SLC27A6: variants seen among roughly 807,000 people sequenced by gnomAD.
SLC27A6 encodes the protein long-chain fatty acid transport protein 6.
Under a neutral mutation model 63.9 loss-of-function variants are expected in SLC27A6, and 74 were observed. The ratio of observed to expected loss-of-function variants is 1.16; its 90% CI spans 0.96 to 1.40. The LOEUF (loss-of-function observed/expected upper bound fraction) is 1.40. SLC27A6 is among the 40% of genes most tolerant of loss of function. The pLI, the probability that SLC27A6 is intolerant of heterozygous loss-of-function variation, is 0.00. For synonymous variants in SLC27A6, 287 were observed against 260.8 expected (o/e 1.10, Z -0.97); for missense variants, 794 against 732.9 (o/e 1.08, Z -0.96).
chr5:129,031,827 TA>T (rs1752424969), intron 9 of SLC27A6, among the ~76,000 whole-genome samples: 1 of 151,986 alleles, frequency 6.6e-6, no homozygotes, highest in South Asian at 2.1e-4. Flanking sequence ...AGTGAGCTGC[TA>T]ATTTTTAAGA....
chr5:129,027,378 A>G (rs1752281320), intron 7 of SLC27A6, 47 bp downstream of exon 7: 3 of 1,426,008 alleles, frequency 2.1e-6, no homozygotes, highest in Non-Finnish European at 2.0e-6. Flanking sequence ...ATTGTGAACC[A>G]TGCTTCTATA....
At position 129,027,292 on chromosome 5, in the gene SLC27A6, A is replaced by G. The variant is rs1177920588; in HGVS notation, c.1415A>G (p.Asn472Ser). The G allele has an allele frequency of 1.9e-6, 3 of 1,612,928 alleles. No individual in the cohort carries two copies. Among genetic ancestry groups the G allele is most frequent in the Non-Finnish European group, 2.5e-6 (3 of 1,179,308 alleles). ...TGDLIVQDQD[N>S]FLYFWDRTGD... ...GACTTAATAGTCCAGGATCAGGACA[A>G]TTTCCTTTATTTTTGGGACCGTACT... The change falls in exon 7 of 10, where the codon AAT becomes AGT. Residue 472 changes from asparagine to serine, a missense_variant. Transcript: ENST00000262462.
Position 129,030,955 on chromosome 5 carries a change from T to C in SLC27A6, c.1683+1248T>C, listed in dbSNP as rs189974262. On this transcript the variant is annotated intron_variant, in intron 9 of 9. Transcript: ENST00000262462. ...TTGTCCTTTTACAACCATAGCGAGCTCCCTCTTGTCCCTCCTCATCCTCAC... is the reference window on the plus strand; with the variant it reads ...TTGTCCTTTTACAACCATAGCGAGCCCCCTCTTGTCCCTCCTCATCCTCAC... 1.6e-3 allele frequency among the ~76,000 whole-genome samples: 250 copies of C among 152,034 alleles called. 1 individual carries two copies. Among genetic ancestry groups the C allele is most frequent in the African/African-American group, 5.0e-3 (208 of 41,548 alleles).
chr5:129,012,069 CTATT>C (rs530613573), intron 4 of SLC27A6, among the ~76,000 whole-genome samples: 88 of 151,524 alleles, frequency 5.8e-4, no homozygotes, highest in South Asian at 2.7e-3. Flanking sequence ...ATATATCAAA[CTATT>C]TATACATATA....
intron 1 of SLC27A6, among the ~76,000 whole-genome samples, chr5:128,975,436 G>C (rs1015901671): frequency 2.6e-5 from 4 of 152,210 alleles, no homozygotes; most frequent in African/African-American, 9.7e-5. Context: ...CACGAACCTA[G>C]ATGACATAGT....
intron 4 of SLC27A6, among the ~76,000 whole-genome samples, chr5:128,999,686 A>G (rs564330708): frequency 1.3e-5 from 2 of 152,134 alleles, no homozygotes; most frequent in South Asian, 2.1e-4. Flanking sequence ...CCTTTCCTTC[A>G]GTACACCAGG....
At chr5:128,985,047 C>T in intron 1 of SLC27A6, 86 bp from the exon 2 acceptor site, 1 of 823,288 alleles carries the variant, frequency 1.2e-6, no homozygotes. Flanking sequence ...ACATTTTATC[C>T]CTGTTTCAAT....
At chr5:128,984,326 C>A (rs1750712251) in intron 1 of SLC27A6, among the ~76,000 whole-genome samples, 1 of 152,082 alleles carries the variant, frequency 6.6e-6, no homozygotes, top group African/African-American at 2.4e-5. Flanking sequence ...GGACCCAGTC[C>A]CACCTTCTGT....
At chr5:128,979,435 TG>T (rs1342962921) in intron 1 of SLC27A6, among the ~76,000 whole-genome samples, 4 of 152,188 alleles carry the variant, frequency 2.6e-5, no homozygotes, top group Non-Finnish European at 5.9e-5. Context: ...GAGATAACCC[TG>T]ATGGGGTCTG....
chr5:129,006,069 C>CTTTTTTTTT (rs1561624835), intron 4 of SLC27A6, among the ~76,000 whole-genome samples: 7 of 64,850 alleles, frequency 1.1e-4, no homozygotes, highest in Admixed American at 2.2e-4. Context: ...CCTGTGCACA[C>CTTTTTTTTT]TGTTTTTTTT....
intron 1 of SLC27A6, among the ~76,000 whole-genome samples, chr5:128,983,253 C>T (rs1750670891): frequency 1.4e-5 from 2 of 146,376 alleles, no homozygotes; most frequent in Non-Finnish European, 3.0e-5. Context: ...TAAAGGTCCA[C>T]ATTTTCATGT....
intron 1 of SLC27A6, among the ~76,000 whole-genome samples, chr5:128,974,729 C>T (rs1750318815): frequency 6.6e-6 from 1 of 152,202 alleles, no homozygotes; most frequent in African/African-American, 2.4e-5. Flanking sequence ...CATGTATGGT[C>T]TGCCACTTCC....
In SLC27A6 at chr5:129,024,471, A is replaced by G. The variant is rs545786442; in HGVS notation, c.1255+761A>G. Reference sequence around the variant, plus strand: ...CTTCATATGTAAAGTAGAAGTGACAATGTTTATTAAGTGAGGTTATTGTGG... The same window carrying G: ...CTTCATATGTAAAGTAGAAGTGACAGTGTTTATTAAGTGAGGTTATTGTGG... On this transcript the variant is annotated intron_variant, in intron 6 of 9. Coordinates refer to ENST00000262462, the MANE Select transcript of SLC27A6 (RefSeq NM_001017372.3). Among the ~76,000 whole-genome samples the G allele has an allele frequency of 5.3e-5, 8 of 152,230 alleles. No individual in the cohort carries two copies. The South Asian group carries it at 1.5e-3, about 28-fold the overall frequency.
chr5:128,998,067 G>A (rs897096481), intron 4 of SLC27A6, among the ~76,000 whole-genome samples: 3 of 148,978 alleles, frequency 2.0e-5, no homozygotes, highest in Non-Finnish European at 4.4e-5. Context: ...ATTGCTTGAG[G>A]CCAGAAATTT....
intron 8 of SLC27A6, 58 bp downstream of exon 8, chr5:129,028,500 T>C (rs1046378009): frequency 2.0e-6 from 2 of 1,008,616 alleles, no homozygotes; most frequent in Non-Finnish European, 3.1e-6. Flanking sequence ...CACTATTCTC[T>C]AGTTTTGCAA....
chr5:129,016,173 A>T, intron 5 of SLC27A6, 94 bp downstream of exon 5: 1 of 850,586 alleles, frequency 1.2e-6, no homozygotes, highest in East Asian at 2.7e-5. Flanking sequence ...TGGGCAGATC[A>T]TGAGGTCAGG....
intron 5 of SLC27A6, among the ~76,000 whole-genome samples, chr5:129,019,488 A>G (rs1226295052): frequency 6.6e-6 from 1 of 152,046 alleles, no homozygotes; most frequent in African/African-American, 2.4e-5. Context: ...AAAAAAATGA[A>G]TGCACATCAA....
intron 4 of SLC27A6, among the ~76,000 whole-genome samples, chr5:129,007,615 A>C (rs542493781): frequency 5.8e-4 from 89 of 152,210 alleles, no homozygotes; most frequent in Non-Finnish European, 9.1e-4. Context: ...TTTCTTATCA[A>C]ATTGTCATTT....
chr5:128,974,791 T>C (rs1750320361), intron 1 of SLC27A6, among the ~76,000 whole-genome samples: 1 of 152,212 alleles, frequency 6.6e-6, no homozygotes, highest in Non-Finnish European at 1.5e-5. Flanking sequence ...CTCACTGAAC[T>C]TAGTTGTAAA....
Sources: allele counts gnomAD v4.1 joint callset (sites outside exome capture counted in the v4.1 genomes callset), GRCh38; gene constraint gnomAD v4.1.1; transcripts MANE v1.5; gene names NCBI Gene and HGNC (gene_info 2026-07-23, HGNC 2026-07-21).